UVRAG: variants seen among roughly 807,000 people sequenced by gnomAD.
The protein encoded by UVRAG is UV radiation resistance associated.
UVRAG carries 19 observed loss-of-function variants against 78.0 expected under a neutral mutation model. That is an observed-to-expected ratio of 0.24 (90% confidence interval 0.17 to 0.36). The LOEUF is 0.36. Among genes scored for constraint, UVRAG ranks in the 10% least tolerant of loss-of-function variants. The probability of loss-of-function intolerance (pLI) is 1.00; values close to 1 mark genes in which losing one functional copy is unlikely to be tolerated. For synonymous variants in UVRAG, 323 were observed against 324.6 expected (o/e 1.00, Z 0.05); for missense variants, 740 against 853.8 (o/e 0.87, Z 1.66).
intron 12 of UVRAG, among the ~76,000 whole-genome samples, chr11:76,050,097 A>C (rs1591177199): frequency 6.6e-6 from 1 of 152,240 alleles, no homozygotes; most frequent in African/African-American, 2.4e-5. Flanking sequence ...TCATCTTATC[A>C]GTACTCACTG....
chr11:75,994,615 T>TA (rs1949670932), intron 8 of UVRAG, among the ~76,000 whole-genome samples: 1 of 152,218 alleles, frequency 6.6e-6, no homozygotes, highest in Admixed American at 6.5e-5. Flanking sequence ...AAAATAGTCT[T>TA]AAGATATCTT....
chr11:76,091,710 C>T (rs993608671), intron 13 of UVRAG, among the ~76,000 whole-genome samples: 2 of 151,784 alleles, frequency 1.3e-5, no homozygotes, highest in African/African-American at 4.8e-5. Context: ...TGTGTAATAT[C>T]TTCTCTTTTC....
At chr11:76,112,596 G>A (rs1952095704) in intron 13 of UVRAG, among the ~76,000 whole-genome samples, 1 of 152,208 alleles carries the variant, frequency 6.6e-6, no homozygotes, top group African/African-American at 2.4e-5. Flanking sequence ...CTAGCAGCCA[G>A]TTCAGTTGAA....
At chr11:76,017,022 C>A (rs1950160209) in intron 12 of UVRAG, 42 bp downstream of exon 12, 12 of 1,434,434 alleles carry the variant, frequency 8.4e-6, no homozygotes, top group Non-Finnish European at 1.1e-5. Flanking sequence ...AACATCAAGC[C>A]AGTATAAAAC....
rs531735158 is a variant in UVRAG, at chr11:75,930,676, G to A, written c.593+18637G>A. ...TCACAGTGCTTGTTTTTAAAGTAAG[G>A]TTTTCTTTTGAATGTAAGCAGATTT... On this transcript the variant is annotated intron_variant, in intron 6 of 14. Coordinates refer to ENST00000356136, the MANE Select transcript of UVRAG (RefSeq NM_003369.4). Among the ~76,000 whole-genome samples the A allele has an allele frequency of 7.5e-4, 114 of 152,250 alleles. 1 individual carries two copies. In the South Asian group the frequency reaches 0.012, roughly 16 times the overall value.
chr11:76,140,573 A>G (rs1171684342), intron 14 of UVRAG, 138 bp from the exon 15 acceptor site: 5 of 900,516 alleles, frequency 5.6e-6, no homozygotes, highest in African/African-American at 5.1e-5. Flanking sequence ...AGACACTGCA[A>G]TAACTATTGT....
rs893531950 is a variant in UVRAG, at chr11:75,833,564, G to A, written c.117+18040G>A. Among the ~76,000 whole-genome samples, 10 of 149,502 alleles carry A rather than the reference G, an allele frequency of 6.7e-5. No homozygotes were observed. In the East Asian group the frequency reaches 1.6e-3, roughly 23 times the overall value. ...GTCAGGGAGACCCTAACCCAGCGGC[G>A]CTAGAGGAATTAAAGACACACACAT... On this transcript the variant is annotated intron_variant, in intron 1 of 14. Coordinates refer to ENST00000356136, the MANE Select transcript of UVRAG (RefSeq NM_003369.4).
intron 14 of UVRAG, among the ~76,000 whole-genome samples, chr11:76,127,282 A>G (rs1392307891): frequency 6.6e-6 from 1 of 152,244 alleles, no homozygotes; most frequent in East Asian, 1.9e-4. Context: ...CATAAGTACT[A>G]CCTTCAGAGT....
At chr11:76,032,665 T>C (rs1361143712) in intron 12 of UVRAG, among the ~76,000 whole-genome samples, 1 of 152,152 alleles carries the variant, frequency 6.6e-6, no homozygotes. Context: ...CAGGGTTGGG[T>C]TGCAGGTAGT....
intron 6 of UVRAG, among the ~76,000 whole-genome samples, chr11:75,939,576 TAC>T (rs1242520403): frequency 1.3e-5 from 2 of 152,018 alleles, no homozygotes; most frequent in African/African-American, 4.8e-5. Flanking sequence ...TATGCATACA[TAC>T]ACACACACAT....
chr11:75,931,048 T>G (rs1298695810), intron 6 of UVRAG: 1 of 151,940 alleles, frequency 6.6e-6, no homozygotes, highest in Non-Finnish European at 1.5e-5. Context: ...TCAAAATTAA[T>G]TTTTTGGTGA....
intron 11 of UVRAG, 126 bp from the exon 12 acceptor site, chr11:76,016,689 A>G (rs1475642421): frequency 1.6e-5 from 13 of 830,954 alleles, no homozygotes; most frequent in Non-Finnish European, 2.0e-5. Flanking sequence ...TATATAATTT[A>G]GATAAGTGGT....
chr11:76,032,998 A>G (rs1222187158), intron 12 of UVRAG, among the ~76,000 whole-genome samples: 2 of 152,218 alleles, frequency 1.3e-5, no homozygotes, highest in East Asian at 3.8e-4. Context: ...AAAGGATAGA[A>G]ACCTATCTAT....
intron 7 of UVRAG, chr11:75,980,126 A>C (rs761823520): frequency 6.4e-6 from 1 of 155,586 alleles, no homozygotes; most frequent in Non-Finnish European, 1.4e-5. Flanking sequence ...GAAGGTTAGT[A>C]ATTGTTAATT....
At chr11:76,052,985 A>G (rs918298459) in intron 12 of UVRAG, among the ~76,000 whole-genome samples, 7 of 149,000 alleles carry the variant, frequency 4.7e-5, no homozygotes, top group Admixed American at 2.0e-4. Flanking sequence ...AAATATATAT[A>G]GTTTATAAGT....
intron 1 of UVRAG, among the ~76,000 whole-genome samples, chr11:75,823,166 A>G (rs1945437684): frequency 6.6e-6 from 1 of 152,150 alleles, no homozygotes. Context: ...TGCACCAGGA[A>G]CTGTGTACAA....
At chr11:75,824,827 C>T (rs979534094) in intron 1 of UVRAG, among the ~76,000 whole-genome samples, 1 of 151,780 alleles carries the variant, frequency 6.6e-6, no homozygotes, top group African/African-American at 2.4e-5. Flanking sequence ...GCGCCTGCCA[C>T]CACGCCCGGC....
chr11:76,121,526 C>T (rs566767668), intron 14 of UVRAG, among the ~76,000 whole-genome samples: 69 of 152,334 alleles, frequency 4.5e-4, no homozygotes, highest in African/African-American at 1.6e-3. Flanking sequence ...GAATGTGCAC[C>T]TAAGCTGCAG....
intron 5 of UVRAG, among the ~76,000 whole-genome samples, chr11:75,891,772 G>A (rs1366761170): frequency 2.0e-5 from 3 of 152,132 alleles, no homozygotes; most frequent in African/African-American, 7.2e-5. Context: ...AAATTAGCCA[G>A]GTGTGGTGAC....
Sources: allele counts gnomAD v4.1 joint callset (sites outside exome capture counted in the v4.1 genomes callset), GRCh38; gene constraint gnomAD v4.1.1; transcripts MANE v1.5; gene names NCBI Gene and HGNC (gene_info 2026-07-23, HGNC 2026-07-21).